Variants in MSH4 observed in about 807,000 individuals in gnomAD.
MSH4 encodes the protein mutS protein homolog 4.
A neutral mutation model predicts 113.7 loss-of-function variants in MSH4; 106 were observed. The observed-to-expected ratio is 0.93, with a 90% CI of 0.80 to 1.10. The LOEUF (loss-of-function observed/expected upper bound fraction) is 1.10. MSH4 is among the 50% of genes least tolerant of loss of function. MSH4 has a pLI of 0.00. For missense variants in MSH4, 1,061 were observed against 1,093.7 expected, an observed-to-expected ratio of 0.97 and a Z score of 0.42; for synonymous variants, 368 against 380.2, an observed-to-expected ratio of 0.97 and a Z score of 0.37.
chr1:75,830,101 G>C (rs540922586), intron 7 of MSH4, among the ~76,000 whole-genome samples: 1 of 152,292 alleles, frequency 6.6e-6, no homozygotes, highest in Non-Finnish European at 1.5e-5. Flanking sequence ...TAAGTGACCT[G>C]ATGGAGCTGA....
intron 19 of MSH4, among the ~76,000 whole-genome samples, chr1:75,911,099 AGG>A (rs1430391905): frequency 6.6e-6 from 1 of 151,844 alleles, no homozygotes; most frequent in Non-Finnish European, 1.5e-5. Flanking sequence ...CCTGAGATAC[AGG>A]GTACCATACT....
At chr1:75,912,534 T>C (rs1407265170) in intron 19 of MSH4, among the ~76,000 whole-genome samples, 162 bp from the exon 20 acceptor site, 1 of 152,118 alleles carries the variant, frequency 6.6e-6, no homozygotes, top group Non-Finnish European at 1.5e-5. Context: ...TCTTCTTGTA[T>C]ATTCTTTCCT....
intron 15 of MSH4, among the ~76,000 whole-genome samples, chr1:75,887,935 T>C (rs975092687): frequency 1.3e-5 from 2 of 151,718 alleles, no homozygotes; most frequent in Admixed American, 1.3e-4. Context: ...TAATTCATCC[T>C]TTTAGGAAAA....
intron 19 of MSH4, among the ~76,000 whole-genome samples, chr1:75,912,153 G>A (rs1652801228): frequency 6.6e-6 from 1 of 151,708 alleles, no homozygotes; most frequent in South Asian, 2.1e-4. Context: ...TTTCTCTTAG[G>A]CTCCAGCAGT....
chr1:75,834,955 A>G (rs2100534113), intron 7 of MSH4, among the ~76,000 whole-genome samples: 2 of 152,350 alleles, frequency 1.3e-5, no homozygotes, highest in East Asian at 1.9e-4. Context: ...AATAAAAAGG[A>G]AAAGAAAGTT....
intron 14 of MSH4, among the ~76,000 whole-genome samples, chr1:75,882,458 C>T (rs1346135691): frequency 6.6e-6 from 1 of 151,930 alleles, no homozygotes; most frequent in Non-Finnish European, 1.5e-5. Flanking sequence ...TCCATAGAGA[C>T]CTGATCCTTA....
rs59347058 is a variant in MSH4 at position 75,854,013 on chromosome 1, G to GTATATATATATATATATA, written c.1230+5752_1230+5753insATATATATATATATATAT. Among the ~76,000 whole-genome samples, 76 of 116,844 alleles carry GTATATATATATATATATA rather than the reference G, an allele frequency of 6.5e-4. 3 individuals carry two copies. The highest frequency in any genetic ancestry group is 1.9e-3 in the East Asian group (5 of 2,616). 76.7% of individuals were successfully genotyped at this position (116,844 alleles called of 152,430 possible). A position where few individuals can be genotyped will look rare whatever the true frequency, so the allele number is the denominator to read the frequency against. On this transcript the variant is annotated intron_variant, in intron 8 of 19. Coordinates refer to ENST00000263187, the MANE Select transcript of MSH4 (RefSeq NM_002440.4). Reference sequence around the variant, plus strand: ...ATGGCTAGGGCATAAGTGTGTGTGTGTATATATATATATATGCATAAATAT... The same window carrying GTATATATATATATATATA: ...ATGGCTAGGGCATAAGTGTGTGTGTGTATATATATATATATATATATATATATATATATGCATAAATAT...
rs1321238508 is a variant in MSH4, at chr1:75,902,695, A to G, written c.2619+2989A>G. ...TATGTATATATATATATATATATAT[A>G]TATATATATATATATATATATATAT... On this transcript the variant is annotated intron_variant, in intron 19 of 19. Transcript: ENST00000263187. Among the ~76,000 whole-genome samples, 118 of 15,314 alleles carry G rather than the reference A, an allele frequency of 7.7e-3. 3 individuals carry two copies. The highest frequency in any genetic ancestry group is 9.7e-3 in the Non-Finnish European group (71 of 7,354). The allele number at this position is 15,314 out of a possible 152,430, so 10.0% of individuals were successfully genotyped here.
chr1:75,883,515 T>A, intron 14 of MSH4, 106 bp from the exon 15 acceptor site: 1 of 858,746 alleles, frequency 1.2e-6, no homozygotes, highest in Non-Finnish European at 1.8e-6. Context: ...TTATTCCAAA[T>A]TGACCAGTGT....
At chr1:75,847,134 A>G (rs1428081954) in intron 7 of MSH4, among the ~76,000 whole-genome samples, 1 of 152,168 alleles carries the variant, frequency 6.6e-6, no homozygotes, top group African/African-American at 2.4e-5. Flanking sequence ...CTCTCATGAT[A>G]ATAGCACTAA....
At chr1:75,847,749 T>C (rs925263181) in intron 7 of MSH4, among the ~76,000 whole-genome samples, 2 of 152,204 alleles carry the variant, frequency 1.3e-5, no homozygotes, top group Non-Finnish European at 2.9e-5. Context: ...CAACCTGTTC[T>C]TGTGTGGGAA....
intron 7 of MSH4, among the ~76,000 whole-genome samples, chr1:75,832,702 A>G (rs1650729675): frequency 6.6e-6 from 1 of 152,218 alleles, no homozygotes; most frequent in Non-Finnish European, 1.5e-5. Flanking sequence ...TTATCTCAAT[A>G]GAGGCAGAAA....
rs1394102009 is a variant in MSH4 at position 75,822,463 on chromosome 1, T to C, written c.1044T>C (p.Ser348=). Residue 348 remains serine, a synonymous_variant, in exon 7 of 20, where the codon AGT becomes AGC. Coordinates refer to ENST00000263187, the MANE Select transcript of MSH4 (RefSeq NM_002440.4). Reference sequence around the variant, plus strand: ...ATTATACTAAGACTCCTGGAGGGAGTAGACGACTTCGTTCTAATATATTAG... The same window carrying C: ...ATTATACTAAGACTCCTGGAGGGAGCAGACGACTTCGTTCTAATATATTAG... ...VLNYTKTPGG[S]RRLRSNILEP... 1.3e-6 allele frequency: 2 copies of C among 1,586,892 alleles called. No individual in the cohort carries two copies. Among genetic ancestry groups the C allele is most frequent in the Non-Finnish European group, 1.7e-6 (2 of 1,169,396 alleles).
chr1:75,829,876 AC>A (rs1297634137), intron 7 of MSH4, among the ~76,000 whole-genome samples: 3 of 152,152 alleles, frequency 2.0e-5, no homozygotes, highest in Non-Finnish European at 4.4e-5. Flanking sequence ...AAATCAGAGC[AC>A]CTTTTCTCCT....
chr1:75,886,799 A>C (rs1652132615), intron 15 of MSH4, among the ~76,000 whole-genome samples: 1 of 120,760 alleles, frequency 8.3e-6, no homozygotes, highest in Admixed American at 1.1e-4. Context: ...TATACTAAAC[A>C]GTATATATAT....
intron 8 of MSH4, among the ~76,000 whole-genome samples, chr1:75,859,205 A>G (rs955006169): frequency 6.6e-6 from 1 of 152,048 alleles, no homozygotes; most frequent in Admixed American, 6.6e-5. Flanking sequence ...TGATCTTTTA[A>G]AAAACCAGCT....
intron 10 of MSH4, 43 bp downstream of exon 10, chr1:75,877,043 T>G: frequency 1.6e-6 from 2 of 1,270,940 alleles, no homozygotes; most frequent in Non-Finnish European, 2.2e-6. Flanking sequence ...GATTATTCTC[T>G]TCTTCCTGAT....
intron 17 of MSH4, 89 bp from the exon 18 acceptor site, chr1:75,897,818 A>T: frequency 2.4e-6 from 2 of 844,382 alleles, no homozygotes; most frequent in Non-Finnish European, 3.3e-6. Flanking sequence ...TTAGAAAATT[A>T]AACTAAAATT....
At chr1:75,883,111 C>T (rs933922220) in intron 14 of MSH4, among the ~76,000 whole-genome samples, 2 of 151,760 alleles carry the variant, frequency 1.3e-5, no homozygotes, top group African/African-American at 4.8e-5. Flanking sequence ...CTCAAGAGAT[C>T]CTCCTATCTC....
Sources: allele counts gnomAD v4.1 joint callset (sites outside exome capture counted in the v4.1 genomes callset), GRCh38; gene constraint gnomAD v4.1.1; transcripts MANE v1.5; gene names NCBI Gene and HGNC (gene_info 2026-07-23, HGNC 2026-07-21).